Variants in TNRC6B observed in about 807,000 individuals in gnomAD.
The protein encoded by TNRC6B is trinucleotide repeat containing adaptor 6B.
In TNRC6B, 52 loss-of-function variants were observed where a neutral mutation model predicts 203.6. The ratio of observed to expected loss-of-function variants is 0.26; its 90% CI spans 0.20 to 0.32. The LOEUF is 0.32. TNRC6B is among the 10% of genes least tolerant of loss of function. The probability of loss-of-function intolerance (pLI) is 1.00; values close to 1 mark genes in which losing one functional copy is unlikely to be tolerated. For synonymous variants in TNRC6B, 838 were observed against 845.7 expected, an observed-to-expected ratio of 0.99 and a Z score of 0.16; for missense variants, 1,923 against 2,286.2, an observed-to-expected ratio of 0.84 and a Z score of 3.24.
chr22:40,246,159 C>G, intron 2 of TNRC6B, 57 bp downstream of exon 2: 1 of 1,338,422 alleles, frequency 7.5e-7, no homozygotes, highest in Non-Finnish European at 1.0e-6. Context: ...GCATCCAGAA[C>G]AAGAAACTGT....
intron 1 of TNRC6B, among the ~76,000 whole-genome samples, chr22:40,104,049 A>G (rs1464499840): frequency 7.3e-5 from 11 of 150,072 alleles, no homozygotes; most frequent in Admixed American, 7.3e-4. Flanking sequence ...TCAGGAGTTC[A>G]AGACCAGCCT....
intron 3 of TNRC6B, among the ~76,000 whole-genome samples, chr22:40,136,371 T>TTTGTGTGTG (rs150445100): frequency 1.4e-5 from 2 of 141,118 alleles, no homozygotes; most frequent in Non-Finnish European, 3.0e-5. Flanking sequence ...TATGTTTATC[T>TTTGTGTGTG]TGTGTGTGTG....
chr22:40,301,251 T>C lies in TNRC6B; in HGVS notation c.4038T>C (p.His1346=), dbSNP rs978678099. The C allele has an allele frequency of 3.8e-6, 6 of 1,575,480 alleles. No individual in the cohort carries two copies. In the Admixed American group the frequency reaches 5.6e-5, roughly 15 times the overall value. Residue 1346 remains histidine (H), a synonymous_variant, in exon 15 of 23, where the codon CAT becomes CAC. Coordinates refer to ENST00000454349, the MANE Select transcript of TNRC6B (RefSeq NM_001162501.2). ...CTCATCCTGTTGGGCCCAAGCCGCA[T>C]CTGGACAACATGGTACCCAACGCAT... ...SPSHPVGPKP[H]LDNMVPNALN... is the part of the protein sequence containing the mutation.
chr22:40,148,414 G>T (rs1327603892), intron 3 of TNRC6B, among the ~76,000 whole-genome samples: 1 of 151,532 alleles, frequency 6.6e-6, no homozygotes, highest in Admixed American at 6.6e-5. Context: ...CTCCTGAGTA[G>T]CTGGGATTAC....
At chr22:40,046,005 A>G (rs1036002265) in intron 1 of TNRC6B, among the ~76,000 whole-genome samples, 3 of 152,250 alleles carry the variant, frequency 2.0e-5, no homozygotes, top group Non-Finnish European at 4.4e-5. Flanking sequence ...GCAAAATTAT[A>G]CAAAATTGGT....
rs752478650 is a variant in TNRC6B at position 40,312,945 on chromosome 22, C to T, written c.4626C>T (p.Ala1542=). 25 of 1,613,782 alleles carry T rather than the reference C, an allele frequency of 1.5e-5. No homozygotes were observed. In the South Asian group the frequency reaches 2.5e-4, roughly 16 times the overall value. Residue 1542 remains alanine (A), a synonymous_variant, in exon 19 of 23, where the codon GCC becomes GCT. Transcript: ENST00000454349. ...SLNTSLPSPG[A]WPYSASDNSF... is the part of the protein sequence containing the mutation. ...ACACCTCGCTGCCTTCACCTGGTGC[C>T]TGGCCCTACAGTGCCTCTGACAACT...
At chr22:40,298,882 C>G (rs566036976) in intron 12 of TNRC6B, among the ~76,000 whole-genome samples, 1 of 151,656 alleles carries the variant, frequency 6.6e-6, no homozygotes, top group Non-Finnish European at 1.5e-5. Context: ...AGGAGAATGG[C>G]GTGAACCCAG....
chr22:40,172,315 C>A lies in TNRC6B; in HGVS notation c.113+16133C>A, dbSNP rs552940437. Among the ~76,000 whole-genome samples, 28 of 152,370 alleles carry A rather than the reference C, an allele frequency of 1.8e-4. No homozygotes were observed. In the South Asian group the frequency reaches 5.8e-3, roughly 32 times the overall value. On this transcript the variant is annotated intron_variant, in intron 4 of 23. Transcript: ENST00000301923. ...TTATTCCCTTCTCAGTGAGTTCCTT[C>A]TCCTATGAGGATGTCAGCTCCATAT...
chr22:40,254,583 G>A (rs984500127), intron 3 of TNRC6B, among the ~76,000 whole-genome samples: 1 of 152,154 alleles, frequency 6.6e-6, no homozygotes, highest in Non-Finnish European at 1.5e-5. Context: ...ATCAGCATAA[G>A]ATGATCTTAA....
At chr22:40,295,461 G>A (rs2070926088) in intron 12 of TNRC6B, among the ~76,000 whole-genome samples, 1 of 142,956 alleles carries the variant, frequency 7.0e-6, no homozygotes, top group African/African-American at 2.6e-5. Context: ...GCAACAGAGT[G>A]AGACTCCATT....
chr22:40,056,631 CAA>C (rs1194650943), intron 1 of TNRC6B, among the ~76,000 whole-genome samples: 2 of 151,710 alleles, frequency 1.3e-5, no homozygotes, highest in Non-Finnish European at 2.9e-5. Flanking sequence ...CCCATCTCTA[CAA>C]AAAATGTTTT....
intron 1 of TNRC6B, among the ~76,000 whole-genome samples, chr22:40,183,194 A>G (rs2069157884): frequency 6.6e-6 from 1 of 152,202 alleles, no homozygotes; most frequent in African/African-American, 2.4e-5. Flanking sequence ...GTTGCGACGC[A>G]TAAAGGAAAT....
At chr22:40,150,761 T>A (rs73165044) in intron 3 of TNRC6B, among the ~76,000 whole-genome samples, 1 of 152,214 alleles carries the variant, frequency 6.6e-6, no homozygotes, top group South Asian at 2.1e-4. Flanking sequence ...GCCTGACTTA[T>A]ATCTGTCAGG....
At position 40,140,764 on chromosome 22, in the gene TNRC6B, C is replaced by T. The variant is rs191862030; in HGVS notation, c.45+14902C>T. Among the ~76,000 whole-genome samples the T allele has an allele frequency of 2.0e-5, 3 of 152,090 alleles. No homozygotes were observed. In the East Asian group the frequency reaches 5.8e-4, roughly 29 times the overall value. On this transcript the variant is annotated intron_variant, in intron 3 of 23. Coordinates refer to the TNRC6B transcript ENST00000301923. ...CAAGCAATTTTCCTGCCTCAAACTC[C>T]CAAGAAGCTGGGACTACAGGTGCAT...
chr22:40,128,243 T>C lies in TNRC6B; in HGVS notation c.45+2381T>C, dbSNP rs559582449. ...TGTTTAAAATCTTATATTTGGAGGC[T>C]GATCTCATCTCGCAGGGGTCAGTCC... is the stretch of plus-strand genomic sequence containing the variant. On this transcript the variant is annotated intron_variant, in intron 3 of 23. Transcript: ENST00000301923. Among the ~76,000 whole-genome samples the C allele has an allele frequency of 5.3e-5, 8 of 152,336 alleles. No individual in the cohort carries two copies. In the South Asian group the frequency reaches 1.7e-3, roughly 32 times the overall value.
chr22:40,213,630 A>G (rs1301127796), intron 1 of TNRC6B, among the ~76,000 whole-genome samples: 1 of 152,198 alleles, frequency 6.6e-6, no homozygotes, highest in African/African-American at 2.4e-5. Context: ...TCAGGCTAAT[A>G]ACAATCACAG....
chr22:40,178,183 T>C, intron 1 of TNRC6B, 43 bp downstream of exon 1: 1 of 1,609,704 alleles, frequency 6.2e-7, no homozygotes, highest in Non-Finnish European at 8.5e-7. Flanking sequence ...TTGATTTATA[T>C]GGATCTTGTC....
At chr22:40,106,891 G>C in intron 1 of TNRC6B, 1 of 969,508 alleles carries the variant, frequency 1.0e-6, no homozygotes, top group Non-Finnish European at 1.6e-6. Flanking sequence ...TATGTTCCTT[G>C]TGACAGTGCT....
At chr22:40,128,739 TC>T (rs1201762109) in intron 3 of TNRC6B, among the ~76,000 whole-genome samples, 2 of 151,562 alleles carry the variant, frequency 1.3e-5, no homozygotes. Flanking sequence ...CCCAGGCTGG[TC>T]TCGAACTTCT....
Sources: gnomAD v4.1 joint callset for allele counts (sites outside exome capture counted in the v4.1 genomes callset) on GRCh38, gnomAD v4.1.1 for gene constraint, MANE v1.5 for transcripts, NCBI Gene and HGNC (gene_info 2026-07-23, HGNC 2026-07-21) for gene names.